GINM1: variants seen among roughly 807,000 people sequenced by gnomAD.
GINM1 encodes glycoprotein integral membrane protein 1.
In GINM1, 29 loss-of-function variants were observed where a neutral mutation model predicts 37.8. That is an observed-to-expected ratio of 0.77 (90% CI 0.57 to 1.05). GINM1 has a LOEUF of 1.05. Among genes scored for constraint, GINM1 ranks in the 50% least tolerant of loss-of-function variants. GINM1 has a pLI of 0.00. For missense variants in GINM1, 377 were observed against 397.9 expected, an observed-to-expected ratio of 0.95 and a Z score of 0.45; for synonymous variants, 143 against 146.2, an observed-to-expected ratio of 0.98 and a Z score of 0.16.
At chr6:149,569,800 T>TTATG (rs1777782415) in intron 1 of GINM1, among the ~76,000 whole-genome samples, 1 of 152,116 alleles carries the variant, frequency 6.6e-6, no homozygotes, top group Admixed American at 6.5e-5. Context: ...AGGAAGACAC[T>TTATG]TATGTCCCCA....
chr6:149,586,140 G>A (rs765806179), intron 7 of GINM1, among the ~76,000 whole-genome samples: 1 of 152,194 alleles, frequency 6.6e-6, no homozygotes, highest in Non-Finnish European at 1.5e-5. Context: ...TTTAGCTCAT[G>A]GTTCTGCAAG....
In GINM1 at chr6:149,590,815, C is replaced by T. The variant is rs1778143424; in HGVS notation, c.970C>T (p.Leu324Phe). ...PDGPEKRAEN[L>F]EDKTCI ...TGGTCCAGAGAAAAGAGCTGAAAAC[C>T]TTGAAGATAAAACATGTATTTAAAA... Residue 324 changes from leucine to phenylalanine, a missense_variant, in exon 8 of 8, where the codon CTT (leucine) becomes TTT (phenylalanine). Coordinates refer to ENST00000367419, the MANE Select transcript of GINM1 (RefSeq NM_138785.5). 1 of 1,584,172 alleles carries T rather than the reference C, an allele frequency of 6.3e-7. No homozygotes were observed. The highest frequency in any genetic ancestry group is 8.7e-7 in the Non-Finnish European group (1 of 1,153,648).
At chr6:149,579,731 C>T (rs1173382220) in intron 4 of GINM1, 103 bp from the exon 5 acceptor site, 5 of 629,706 alleles carry the variant, frequency 7.9e-6, no homozygotes, top group East Asian at 6.0e-5. Context: ...CTGAATAGGA[C>T]ACATGTTTTA....
chr6:149,571,832 CAGCACTTTGGGAG>C (rs1777826930), intron 1 of GINM1, among the ~76,000 whole-genome samples: 1 of 152,014 alleles, frequency 6.6e-6, no homozygotes, highest in South Asian at 2.1e-4. Flanking sequence ...CCTGTAATTC[CAGCACTTTGGGAG>C]GCCGAGGAGG....
At chr6:149,589,722 C>G (rs1423254652) in intron 7 of GINM1, among the ~76,000 whole-genome samples, 1 of 152,146 alleles carries the variant, frequency 6.6e-6, no homozygotes, top group Non-Finnish European at 1.5e-5. Flanking sequence ...ATATGTTAGT[C>G]TTTTTCTGGA....
At position 149,582,454 on chromosome 6, in the gene GINM1, GATGGA is replaced by G. The variant is rs1237474842; in HGVS notation, c.734_738del (p.Met245LysfsTer3). The G allele has an allele frequency of 6.2e-7, 1 of 1,605,240 alleles. No homozygotes were observed. Among genetic ancestry groups the G allele is most frequent in the Non-Finnish European group, 8.5e-7 (1 of 1,178,222 alleles). On this transcript the variant is annotated frameshift_variant, in exon 7 of 8. Transcript: ENST00000367419. LOFTEE classifies it high-confidence loss of function. ...TCCTTTTTCAGGTAATGTGTCAGTG[GATGGA>G]AAAGTTTAGAAAAGATCTGTGTAGG...
chr6:149,591,082 C>CAGG lies in GINM1; in HGVS notation c.*246_*247insGAG, dbSNP rs1437950427. ...GGCCAATGCGGGCGGATCACGAGGT[C>CAGG]AGATCAAGACCATCCTGCCAACATG... On this transcript the variant is annotated 3_prime_UTR_variant, in exon 8 of 8. Transcript: ENST00000367419. 6.1e-6 allele frequency: 2 copies of CAGG among 327,926 alleles called. No individual in the cohort carries two copies. Among genetic ancestry groups the CAGG allele is most frequent in the East Asian group, 6.1e-5 (1 of 16,462 alleles). The allele number at this position is 327,926 out of a possible 1,614,324, so 20.3% of individuals were successfully genotyped here. A position where few individuals can be genotyped will look rare whatever the true frequency, so the allele number is the denominator to read the frequency against.
intron 7 of GINM1, among the ~76,000 whole-genome samples, chr6:149,588,614 G>A (rs1283724084): frequency 6.6e-6 from 1 of 151,986 alleles, no homozygotes; most frequent in African/African-American, 2.4e-5. Context: ...AAATTATGGG[G>A]CTTTTTTTGT....
At chr6:149,590,688 CA>C (rs1778140829) in intron 7 of GINM1, 38 bp from the exon 8 acceptor site, 2 of 1,047,324 alleles carry the variant, frequency 1.9e-6, no homozygotes, top group Non-Finnish European at 3.0e-6. Context: ...GCAGAGGAAA[CA>C]TTTAATTTTG....
chr6:149,568,286 A>G (rs749282082), intron 1 of GINM1, among the ~76,000 whole-genome samples: 7 of 152,270 alleles, frequency 4.6e-5, no homozygotes, highest in Non-Finnish European at 1.0e-4. Context: ...TGAGTGCTGA[A>G]CAACTAGAAA....
At chr6:149,586,680 A>T (rs913029971) in intron 7 of GINM1, among the ~76,000 whole-genome samples, 1 of 152,212 alleles carries the variant, frequency 6.6e-6, no homozygotes, top group Non-Finnish European at 1.5e-5. Context: ...TGGGAACCAT[A>T]GACCTAAGAT....
intron 7 of GINM1, among the ~76,000 whole-genome samples, chr6:149,589,364 C>A (rs940006380): frequency 1.3e-5 from 2 of 152,028 alleles, no homozygotes; most frequent in Admixed American, 6.5e-5. Flanking sequence ...CCTCAACTTC[C>A]CGGGGTCAAG....
intron 7 of GINM1, among the ~76,000 whole-genome samples, chr6:149,583,933 T>C (rs1778035485): frequency 6.6e-6 from 1 of 151,470 alleles, no homozygotes; most frequent in Non-Finnish European, 1.5e-5. Flanking sequence ...AAATGAATTA[T>C]TGTTAGTATT....
Position 149,582,614 on chromosome 6 carries a change from C to T in GINM1, c.881+11C>T, listed in dbSNP as rs1778019583. The T allele has an allele frequency of 1.3e-6, 2 of 1,513,428 alleles. No homozygotes were observed. The highest frequency in any genetic ancestry group is 2.3e-5 in the East Asian group (1 of 42,984). The allele number at this position is 1,513,428 out of a possible 1,614,324, so 93.7% of individuals were successfully genotyped here. A position where few individuals can be genotyped will look rare whatever the true frequency, so the allele number is the denominator to read the frequency against. On this transcript the variant is annotated intron_variant, in intron 7 of 7. Coordinates refer to ENST00000367419, the MANE Select transcript of GINM1 (RefSeq NM_138785.5). ...AGTTTCTGAATACAAGTAAGTATTT[C>T]TTATTTTTGAAATGTTAGTATTTTT...
At position 149,566,483 on chromosome 6, in the gene GINM1, C is replaced by G. The variant is rs1036822703; in HGVS notation, c.69C>G (p.Gly23=). 6.4e-6 allele frequency: 10 copies of G among 1,554,056 alleles called. No individual in the cohort carries two copies. Among genetic ancestry groups the G allele is most frequent in the Non-Finnish European group, 8.6e-6 (10 of 1,161,194 alleles). The change falls in exon 1 of 8, where the codon GGC becomes GGG. Residue 23 remains glycine (G), a synonymous_variant. Coordinates refer to ENST00000367419, the MANE Select transcript of GINM1 (RefSeq NM_138785.5). This position sits in a 1 kb window ranked among gnomAD's most constrained non-coding sequence, Gnocchi z 4.4. The stretch of plus-strand genomic sequence containing the variant: ...TGTTCGTGGCGCTACCCGCCTCCGG[C>G]TGGCTGACGACGGGCGCCCCCGAGC... ...LLLFVALPAS[G]WLTTGAPEPP...
rs1194644792 is a variant in GINM1 at position 149,572,423 on chromosome 6, T to A, written c.180+79T>A. The A allele has an allele frequency of 3.2e-6, 4 of 1,259,584 alleles. No homozygotes were observed. In the East Asian group the frequency reaches 9.3e-5, roughly 29 times the overall value. The allele number at this position is 1,259,584 out of a possible 1,614,324, so 78.0% of individuals were successfully genotyped here. A position where few individuals can be genotyped will look rare whatever the true frequency, so the allele number is the denominator to read the frequency against. On this transcript the variant is annotated intron_variant, in intron 2 of 7. Transcript: ENST00000367419. ...TATTTGATTTTTTAACTTGCACGTCTCATTTAGTTAATCTTTTTTGACTTG... is the reference window on the plus strand; with the variant it reads ...TATTTGATTTTTTAACTTGCACGTCACATTTAGTTAATCTTTTTTGACTTG...
chr6:149,566,767 A>T lies in GINM1; in HGVS notation c.120+233A>T, dbSNP rs1472548590. 6.6e-6 allele frequency among the ~76,000 whole-genome samples: 1 copy of T among 152,208 alleles called. No individual in the cohort carries two copies. Among genetic ancestry groups the T allele is most frequent in the African/African-American group, 2.4e-5 (1 of 41,450 alleles). On this transcript the variant is annotated intron_variant, in intron 1 of 7. Transcript: ENST00000367419. The surrounding 1 kb of genome is among the most constrained non-coding windows in gnomAD (Gnocchi z 4.4). ...CTGTGAGTGAGCCTCGAGCCACTCCACACCGACTCTCCGGCGGCCCAAGCC... is the reference window on the plus strand; with the variant it reads ...CTGTGAGTGAGCCTCGAGCCACTCCTCACCGACTCTCCGGCGGCCCAAGCC...
chr6:149,579,079 G>A, intron 4 of GINM1, 106 bp downstream of exon 4: 1 of 614,194 alleles, frequency 1.6e-6, no homozygotes, highest in Non-Finnish European at 2.7e-6. Context: ...GATAAGGAAG[G>A]TGCCTAATGT....
intron 3 of GINM1, among the ~76,000 whole-genome samples, chr6:149,573,557 G>C (rs567688780): frequency 6.6e-6 from 1 of 152,230 alleles, no homozygotes; most frequent in Admixed American, 6.5e-5. Context: ...TGATGAAACT[G>C]TATTTCTGGT....
Sources: allele counts gnomAD v4.1 joint callset (sites outside exome capture counted in the v4.1 genomes callset), GRCh38; gene constraint gnomAD v4.1.1; non-coding constraint Gnocchi (gnomAD v3.1); transcripts MANE v1.5; gene names NCBI Gene and HGNC (gene_info 2026-07-23, HGNC 2026-07-21).